The following MAP6 variants were observed in gnomAD, a reference collection of about 807,000 sequenced individuals.
MAP6 encodes the protein microtubule-associated protein 6.
Under a neutral mutation model 42.4 loss-of-function variants are expected in MAP6, and 26 were observed. The ratio of observed to expected loss-of-function variants is 0.61; its 90% CI spans 0.45 to 0.85. MAP6 has a LOEUF of 0.85. Among genes scored for constraint, MAP6 ranks in the 40% least tolerant of loss-of-function variants. The pLI is 0.00. For synonymous variants in MAP6, 418 were observed against 443.8 expected, an observed-to-expected ratio of 0.94 and a Z score of 0.73; for missense variants, 966 against 1,099.0, an observed-to-expected ratio of 0.88 and a Z score of 1.71.
At chr11:75,595,089 G>A (rs572919528) in intron 3 of MAP6, among the ~76,000 whole-genome samples, 1 of 152,336 alleles carries the variant, frequency 6.6e-6, no homozygotes, top group East Asian at 1.9e-4. Context: ...TGGGCCATGG[G>A]TCTCCTGAGC....
chr11:75,602,517 C>G (rs1327760926), intron 3 of MAP6, among the ~76,000 whole-genome samples: 1 of 152,156 alleles, frequency 6.6e-6, no homozygotes, highest in African/African-American at 2.4e-5. Context: ...AATGACAGTC[C>G]TGCCAGTCGA....
intron 1 of MAP6, among the ~76,000 whole-genome samples, chr11:75,665,649 C>A (rs1358115455): frequency 1.3e-5 from 2 of 152,180 alleles, no homozygotes; most frequent in African/African-American, 4.8e-5. Flanking sequence ...CAAGCCATAG[C>A]AGAACTAGAA....
chr11:75,640,058 A>G (rs1221438460), intron 1 of MAP6, among the ~76,000 whole-genome samples: 1 of 152,064 alleles, frequency 6.6e-6, no homozygotes, highest in Non-Finnish European at 1.5e-5. Flanking sequence ...ACTGGTAACC[A>G]TGGATACCCT....
chr11:75,609,597 A>G (rs1306655708), intron 1 of MAP6, among the ~76,000 whole-genome samples: 1 of 152,230 alleles, frequency 6.6e-6, no homozygotes, highest in Admixed American at 6.5e-5. Context: ...TGAAAGAATT[A>G]GGCCAAACAA....
At chr11:75,625,492 C>T (rs762900163) in intron 1 of MAP6, among the ~76,000 whole-genome samples, 4 of 152,132 alleles carry the variant, frequency 2.6e-5, no homozygotes, top group Non-Finnish European at 5.9e-5. Context: ...CAAACATGCC[C>T]TCAATCCCCA....
intron 1 of MAP6, among the ~76,000 whole-genome samples, chr11:75,630,829 A>T (rs1333064841): frequency 6.6e-6 from 1 of 152,262 alleles, no homozygotes; most frequent in Admixed American, 6.5e-5. Flanking sequence ...TTTTGTTAAT[A>T]ACAAGGACTT....
rs145568662 is a variant in MAP6, at chr11:75,587,751, C to T, written c.1750G>A (p.Glu584Lys). ...APMVPAPVKD[E>K]GPMVSASVKD... ...ACAGATGCTGAGACCATGGGACCTT[C>T]ATCCTTGACAGGTGCTGGGACCATA... Residue 584 changes from glutamate to lysine, a missense_variant, in exon 4 of 4, where the codon GAA becomes AAA. Glu to Lys is a moderately conservative substitution (Grantham distance 56, BLOSUM62 1). Transcript: ENST00000304771. 8 of 1,608,172 alleles carry T rather than the reference C, an allele frequency of 5.0e-6. No homozygotes were observed. The East Asian group carries it at 1.1e-4, about 22-fold the overall frequency.
intron 3 of MAP6, among the ~76,000 whole-genome samples, chr11:75,599,437 G>C (rs1942631866): frequency 6.6e-6 from 1 of 152,200 alleles, no homozygotes; most frequent in African/African-American, 2.4e-5. Context: ...TGAAGAATCT[G>C]CTGGACAATT....
At chr11:75,616,351 GGAA>G (rs1942993841) in intron 1 of MAP6, among the ~76,000 whole-genome samples, 1 of 152,104 alleles carries the variant, frequency 6.6e-6, no homozygotes, top group South Asian at 2.1e-4. Flanking sequence ...GCTTTACAAA[GGAA>G]GAAGACAGTG....
chr11:75,665,617 T>A (rs1427059787), intron 1 of MAP6, among the ~76,000 whole-genome samples: 1 of 152,096 alleles, frequency 6.6e-6, no homozygotes, highest in Non-Finnish European at 1.5e-5. Flanking sequence ...GATCAAGAAA[T>A]GAAGTAGGGT....
At chr11:75,650,265 T>C (rs915540855) in intron 1 of MAP6, among the ~76,000 whole-genome samples, 5 of 152,170 alleles carry the variant, frequency 3.3e-5, no homozygotes, top group South Asian at 2.1e-4. Context: ...TAGGGTCACA[T>C]AGGAGGCAAA....
At position 75,608,094 on chromosome 11, in the gene MAP6, C is replaced by G. The variant is rs1389170636; in HGVS notation, c.1119+15G>C. 6.2e-7 allele frequency: 1 copy of G among 1,611,898 alleles called. No homozygotes were observed. The highest frequency in any genetic ancestry group is 8.5e-7 in the Non-Finnish European group (1 of 1,179,004). ...TCCAGGCTGTGCTGATGGGTTCCCA[C>G]AAGGTCTGTCTCACCTTTGGGGGTT... On this transcript the variant is annotated intron_variant, in intron 2 of 3. Coordinates refer to ENST00000304771, the MANE Select transcript of MAP6 (RefSeq NM_033063.2).
intron 1 of MAP6, among the ~76,000 whole-genome samples, chr11:75,660,440 T>G (rs1943824787): frequency 6.6e-6 from 1 of 152,200 alleles, no homozygotes; most frequent in East Asian, 1.9e-4. Context: ...TCTGACTTTT[T>G]TCCCCCTCTA....
chr11:75,612,319 G>T (rs1942911815), intron 1 of MAP6, among the ~76,000 whole-genome samples: 1 of 152,194 alleles, frequency 6.6e-6, no homozygotes, highest in Non-Finnish European at 1.5e-5. Context: ...TACCCCACAG[G>T]GATGTGTAAG....
chr11:75,654,367 T>G (rs1943700365), intron 1 of MAP6, among the ~76,000 whole-genome samples: 1 of 152,178 alleles, frequency 6.6e-6, no homozygotes, highest in East Asian at 1.9e-4. Flanking sequence ...TCCTTCCCAG[T>G]GGAACTAACT....
intron 1 of MAP6, among the ~76,000 whole-genome samples, chr11:75,616,397 C>A (rs1942994192): frequency 6.6e-6 from 1 of 152,220 alleles, no homozygotes; most frequent in South Asian, 2.1e-4. Context: ...AGTCTTCCTA[C>A]AGATTTTCGT....
chr11:75,599,476 C>T (rs1375363302), intron 3 of MAP6, among the ~76,000 whole-genome samples: 4 of 152,190 alleles, frequency 2.6e-5, no homozygotes, highest in Non-Finnish European at 5.9e-5. Flanking sequence ...ATTGCAGTCA[C>T]CCAGGCAAGC....
rs777958839 is a variant in MAP6, at chr11:75,668,979, C to T, written c.-610G>A. ...CGACCCCACCCTTTTCTGCAGCTCT[C>T]GGTCTCCGCCGCTGCCCGCGAATGA... On this transcript the variant is annotated 5_prime_UTR_variant, in exon 1 of 4. Coordinates refer to ENST00000304771, the MANE Select transcript of MAP6 (RefSeq NM_033063.2). 6.4e-5 allele frequency: 11 copies of T among 172,946 alleles called. No homozygotes were observed. The highest frequency in any genetic ancestry group is 9.6e-5 in the African/African-American group (4 of 41,500). 10.7% of individuals were successfully genotyped at this position (172,946 alleles called of 1,614,324 possible). A position where few individuals can be genotyped will look rare whatever the true frequency, so the allele number is the denominator to read the frequency against.
chr11:75,604,416 T>C, intron 3 of MAP6: 1 of 985,230 alleles, frequency 1.0e-6, no homozygotes, highest in Non-Finnish European at 1.2e-6. Context: ...CCCCTTTCAT[T>C]GTAAAAGAAG....
Sources: allele counts gnomAD v4.1 joint callset (sites outside exome capture counted in the v4.1 genomes callset), GRCh38; gene constraint gnomAD v4.1.1; transcripts MANE v1.5; gene names NCBI Gene and HGNC (gene_info 2026-07-23, HGNC 2026-07-21).